Variants in ALKBH3 observed in about 807,000 individuals in gnomAD.
The protein encoded by ALKBH3 is alkB homolog 3, alpha-ketoglutarate dependent dioxygenase, also known as alpha-ketoglutarate-dependent dioxygenase alkB homolog 3.
ALKBH3 carries 51 observed loss-of-function variants against 43.9 expected under a neutral mutation model. The observed-to-expected ratio is 1.16, with a 90% confidence interval of 0.93 to 1.47. The LOEUF (loss-of-function observed/expected upper bound fraction) is 1.47, where lower values mean the gene tolerates loss of function less well. ALKBH3 is among the 40% of genes most tolerant of loss of function. The pLI, the probability that ALKBH3 is intolerant of heterozygous loss-of-function variation, is 0.00. For synonymous variants in ALKBH3, 102 were observed against 115.2 expected (o/e 0.89, Z 0.73); for missense variants, 361 against 351.9 (o/e 1.03, Z -0.21).
Position 43,919,031 on chromosome 11 carries a change from T to A in ALKBH3, c.670-7T>A. The A allele has an allele frequency of 6.3e-7, 1 of 1,595,420 alleles. No homozygotes were observed. The highest frequency in any genetic ancestry group is 2.2e-5 in the East Asian group (1 of 44,786). On this transcript the variant is annotated splice_polypyrimidine_tract_variant and splice_region_variant and intron_variant, in intron 8 of 9. Coordinates refer to ENST00000302708, the MANE Select transcript of ALKBH3 (RefSeq NM_139178.4). ...AAACATTTATTACAACAAATGCTGT[T>A]TTCTAGGAAGAGAATGGAGACTACA...
intron 6 of ALKBH3, among the ~76,000 whole-genome samples, chr11:43,891,695 C>CTGCTTTTG (rs1951784670): frequency 1.3e-5 from 2 of 152,202 alleles, no homozygotes; most frequent in African/African-American, 4.8e-5. Context: ...GACAGGGGTT[C>CTGCTTTTG]AGTCTCCATA....
intron 3 of ALKBH3, among the ~76,000 whole-genome samples, chr11:43,883,760 AT>A (rs1280079870): frequency 6.6e-6 from 1 of 152,182 alleles, no homozygotes; most frequent in Non-Finnish European, 1.5e-5. Context: ...TGCTAGGAAA[AT>A]TTATTCTATT....
chr11:43,881,713 G>T (rs988296629), intron 1 of ALKBH3, among the ~76,000 whole-genome samples: 1 of 152,170 alleles, frequency 6.6e-6, no homozygotes, highest in African/African-American at 2.4e-5. Flanking sequence ...GTGGGAGATG[G>T]GACCTGGGAA....
At chr11:43,896,365 G>A (rs1350183299) in intron 7 of ALKBH3, among the ~76,000 whole-genome samples, 2 of 152,024 alleles carry the variant, frequency 1.3e-5, no homozygotes, top group African/African-American at 4.8e-5. Flanking sequence ...ACAATAGGCT[G>A]TCTGCAAGCC....
At chr11:43,884,629 A>G (rs1315218825) in intron 4 of ALKBH3, among the ~76,000 whole-genome samples, 1 of 152,246 alleles carries the variant, frequency 6.6e-6, no homozygotes, top group Non-Finnish European at 1.5e-5. Context: ...CTTTTATCTT[A>G]GCAAATTAGC....
intron 8 of ALKBH3, among the ~76,000 whole-genome samples, chr11:43,915,094 G>C (rs1444544835): frequency 6.6e-6 from 1 of 151,768 alleles, no homozygotes; most frequent in Non-Finnish European, 1.5e-5. Context: ...TGTAATCCCA[G>C]CTACTCGGGA....
intron 8 of ALKBH3, among the ~76,000 whole-genome samples, chr11:43,914,948 G>A (rs1454545837): frequency 6.6e-6 from 1 of 152,058 alleles, no homozygotes; most frequent in African/African-American, 2.4e-5. Context: ...GCTCACACCT[G>A]TAATCCCAGC....
rs772412449 is a variant in ALKBH3 at position 43,919,928 on chromosome 11, C to T, written c.779C>T (p.Pro260Leu). ...TGTATTTCCATTTAGCATCGAGTGC[C>T]CAAAGAATACCACTCTAGAGAACCG... ...ATQADWQHRVPKEYHSREPRV... is the reference protein window; with the variant it reads ...ATQADWQHRVLKEYHSREPRV... The change falls in exon 10 of 10, where the codon CCC (proline) becomes CTC (leucine). Residue 260 changes from proline to leucine, a missense_variant. Coordinates refer to ENST00000302708, the MANE Select transcript of ALKBH3 (RefSeq NM_139178.4). 1.9e-6 allele frequency: 3 copies of T among 1,613,928 alleles called. No individual in the cohort carries two copies. The highest frequency in any genetic ancestry group is 1.1e-5 in the South Asian group (1 of 91,072).
intron 7 of ALKBH3, chr11:43,897,630 T>TACGTGTCCTTTGATTCCGACATTCATG: frequency 2.2e-6 from 2 of 890,880 alleles, no homozygotes; most frequent in Non-Finnish European, 3.9e-6. Context: ...TGAAAGGCGC[T>TACGTGTCCTTTGATTCCGACATTCATG]GCAAGCTGGA....
At chr11:43,898,647 A>G in intron 7 of ALKBH3, 1 of 729,462 alleles carries the variant, frequency 1.4e-6, no homozygotes, top group Non-Finnish European at 2.6e-6. Flanking sequence ...TGCGCCACTT[A>G]TGGAGACCTG....
At chr11:43,897,512 T>TA in intron 7 of ALKBH3, 1 of 759,346 alleles carries the variant, frequency 1.3e-6, no homozygotes. Context: ...TCAAATTAAT[T>TA]ATGGCTGCCT....
intron 4 of ALKBH3, among the ~76,000 whole-genome samples, chr11:43,885,326 C>T (rs1370834594): frequency 1.3e-5 from 2 of 152,176 alleles, no homozygotes; most frequent in East Asian, 3.8e-4. Flanking sequence ...GCCAAAAATA[C>T]ACCATATTGA....
intron 5 of ALKBH3, 100 bp from the exon 6 acceptor site, chr11:43,889,625 C>T: frequency 1.1e-6 from 1 of 906,496 alleles, no homozygotes; most frequent in African/African-American, 1.6e-5. Flanking sequence ...TTTCATGTAC[C>T]CATTAGAGGC....
chr11:43,884,031 T>C lies in ALKBH3; in HGVS notation c.218+14T>C, dbSNP rs1411472901. On this transcript the variant is annotated intron_variant, in intron 4 of 9. Transcript: ENST00000302708. Reference sequence around the variant, plus strand: ...ACGAGTGATTGAGTAAGTAATTTGCTGTCTTCCTGTAATTGTTGCCCACAG... The same window carrying C: ...ACGAGTGATTGAGTAAGTAATTTGCCGTCTTCCTGTAATTGTTGCCCACAG... 6.2e-7 allele frequency: 1 copy of C among 1,613,912 alleles called. No individual in the cohort carries two copies. The highest frequency in any genetic ancestry group is 8.5e-7 in the Non-Finnish European group (1 of 1,179,862).
At chr11:43,893,924 C>A (rs895505505) in intron 7 of ALKBH3, among the ~76,000 whole-genome samples, 2 of 152,030 alleles carry the variant, frequency 1.3e-5, no homozygotes, top group African/African-American at 2.4e-5. Flanking sequence ...TTATGTTGCC[C>A]AGGCTGGTGT....
At chr11:43,891,314 TTTC>T (rs1951782196) in intron 6 of ALKBH3, among the ~76,000 whole-genome samples, 1 of 151,880 alleles carries the variant, frequency 6.6e-6, no homozygotes, top group Non-Finnish European at 1.5e-5. Context: ...GATCCCTGGT[TTTC>T]TTATCAGTAA....
chr11:43,881,492 C>G (rs911662849), intron 1 of ALKBH3: 2 of 152,218 alleles, frequency 1.3e-5, no homozygotes. Context: ...AATTGTGTTA[C>G]GCTTTTAGGG....
At chr11:43,904,210 G>A (rs147057253) in intron 8 of ALKBH3, among the ~76,000 whole-genome samples, 6 of 152,322 alleles carry the variant, frequency 3.9e-5, no homozygotes, top group African/African-American at 7.2e-5. Context: ...GGGAATCTGC[G>A]CTATGACGAT....
intron 7 of ALKBH3, chr11:43,897,978 A>T (rs1253267747): frequency 5.0e-6 from 4 of 794,606 alleles, no homozygotes; most frequent in Non-Finnish European, 9.3e-6. Flanking sequence ...ATTGGACTCC[A>T]CCTTCCATCA....
Sources: allele counts gnomAD v4.1 joint callset (sites outside exome capture counted in the v4.1 genomes callset), GRCh38; gene constraint gnomAD v4.1.1; transcripts MANE v1.5; gene names NCBI Gene and HGNC (gene_info 2026-07-23, HGNC 2026-07-21).